MTCL1: variants seen among roughly 807,000 people sequenced by gnomAD.
MTCL1 encodes microtubule crosslinking factor 1.
In MTCL1, 79 loss-of-function variants were observed where a neutral mutation model predicts 141.4. The ratio of observed to expected loss-of-function variants is 0.56; its 90% confidence interval spans 0.47 to 0.67. The LOEUF is 0.67. Among genes scored for constraint, MTCL1 ranks in the 30% least tolerant of loss-of-function variants. MTCL1 has a pLI of 0.00. For missense variants in MTCL1, 2,177 were observed against 2,113.9 expected, an observed-to-expected ratio of 1.03 and a Z score of -0.59; for synonymous variants, 914 against 875.8, an observed-to-expected ratio of 1.04 and a Z score of -0.77.
chr18:8,807,190 C>G, intron 11 of MTCL1, 130 bp downstream of exon 10: 1 of 957,962 alleles, frequency 1.0e-6, no homozygotes, highest in Non-Finnish European at 1.5e-6. Context: ...AGAGGAGTGG[C>G]TGCTTGTGTC....
At chr18:8,821,900 A>G (rs891888876) in intron 14 of MTCL1, among the ~76,000 whole-genome samples, 9 of 151,946 alleles carry the variant, frequency 5.9e-5, no homozygotes, top group African/African-American at 9.7e-5. Flanking sequence ...GAATTTATTA[A>G]AATATTTTCT....
chr18:8,814,596 G>T (rs995936923), intron 12 of MTCL1, among the ~76,000 whole-genome samples: 3 of 152,194 alleles, frequency 2.0e-5, no homozygotes, highest in African/African-American at 7.2e-5. Context: ...TATATTCTTT[G>T]AAAATGGCCA....
chr18:8,746,941 C>T (rs2096341922), intron 4 of MTCL1, among the ~76,000 whole-genome samples: 1 of 152,122 alleles, frequency 6.6e-6, no homozygotes, highest in Admixed American at 6.5e-5. Context: ...GACAGGGAAG[C>T]CCATTTAAGA....
chr18:8,732,497 G>T (rs150897981), intron 4 of MTCL1, among the ~76,000 whole-genome samples: 3 of 152,214 alleles, frequency 2.0e-5, no homozygotes, highest in African/African-American at 4.8e-5. Flanking sequence ...GATTCTCTAC[G>T]GCCTGAGTGC....
chr18:8,809,619 C>A, intron 11 of MTCL1: 3 of 1,528,592 alleles, frequency 2.0e-6, no homozygotes, highest in Non-Finnish European at 1.8e-6. Context: ...GGAGGGCACA[C>A]ACCTGAAAAA....
At chr18:8,741,523 G>A (rs1348747920) in intron 4 of MTCL1, among the ~76,000 whole-genome samples, 2 of 152,136 alleles carry the variant, frequency 1.3e-5, no homozygotes, top group Non-Finnish European at 2.9e-5. Context: ...ATAGCAAACT[G>A]TGCAACTAAG....
intron 4 of MTCL1, among the ~76,000 whole-genome samples, chr18:8,766,279 A>G (rs2096459373): frequency 6.6e-6 from 1 of 152,092 alleles, no homozygotes; most frequent in Non-Finnish European, 1.5e-5. Flanking sequence ...ATCATCCTCC[A>G]TGTAGCGCCT....
intron 12 of MTCL1, among the ~76,000 whole-genome samples, chr18:8,814,549 C>G (rs901700896): frequency 2.6e-5 from 4 of 152,180 alleles, no homozygotes; most frequent in South Asian, 2.1e-4. Flanking sequence ...TGTCGTTGCT[C>G]TATGGTTAGG....
exon 6 of MTCL1, chr18:8,783,946 G>T (rs1421817819): frequency 6.2e-7 from 1 of 1,613,620 alleles, no homozygotes. Flanking sequence ...GCCGCCACCT[G>T]CAGTTTGTAG....
intron 1 of MTCL1, among the ~76,000 whole-genome samples, chr18:8,709,132 C>T (rs1308250285): frequency 1.3e-5 from 2 of 152,134 alleles, no homozygotes; most frequent in South Asian, 4.1e-4. Flanking sequence ...TGGTGGTTAG[C>T]GTGTGCCCTT....
chr18:8,819,554 A>G (rs144348106), intron 13 of MTCL1, among the ~76,000 whole-genome samples: 17 of 152,350 alleles, frequency 1.1e-4, no homozygotes, highest in Admixed American at 7.8e-4. Flanking sequence ...TAAAACACAC[A>G]AGAGGAAGTA....
chr18:8,762,645 G>A (rs1225201363), intron 4 of MTCL1, among the ~76,000 whole-genome samples: 1 of 152,248 alleles, frequency 6.6e-6, no homozygotes, highest in Non-Finnish European at 1.5e-5. Flanking sequence ...CTTGAGGACA[G>A]AGCGGCTGCC....
chr18:8,714,576 C>T (rs966087031), upstream of MTCL1, among the ~76,000 whole-genome samples: 1 of 152,114 alleles, frequency 6.6e-6, no homozygotes, highest in Non-Finnish European at 1.5e-5. Context: ...CATGGAGGCA[C>T]GTAAGAACGT....
chr18:8,786,002 C>T (rs369745361), exon 7 of MTCL1: 13 of 1,606,894 alleles, frequency 8.1e-6, no homozygotes, highest in South Asian at 6.6e-5. Context: ...GGAGAGCCTG[C>T]GCCTCCGAGC....
rs576687365 is a variant in MTCL1 at position 8,825,250 on chromosome 18, G to A, written c.3740G>A (p.Arg1247Gln). The change falls in exon 15 of 17, where the codon CGG (arginine) becomes CAG (glutamine). Residue 1247 changes from arginine (R) to glutamine (Q), a missense_variant. Coordinates refer to ENST00000359865, the Ensembl canonical transcript of MTCL1. ...CCTTGCACCTCCCCCAGGCACTCCC[G>A]GGACTATGTGGAGGGGGCACGGCGC... The A allele has an allele frequency of 1.3e-4, 200 of 1,590,728 alleles. No homozygotes were observed. The highest frequency in any genetic ancestry group is 1.8e-4 in the South Asian group (16 of 86,554).
rs73939553 is a variant in MTCL1 at position 8,803,351 on chromosome 18, G to A, written c.2437-3542G>A. Among the ~76,000 whole-genome samples the A allele has an allele frequency of 7.5e-3, 1,146 of 152,182 alleles. 14 individuals are homozygous for A. Among genetic ancestry groups the A allele is most frequent in the African/African-American group, 0.027 (1,105 of 41,526 alleles). On this transcript the variant is annotated intron_variant, in intron 10 of 16. Transcript: ENST00000359865. ...CATAGTTCCTCCTCTGTAAAATGGG[G>A]AACATAGTATATGCACTCAAAATTG...
Position 8,706,467 on chromosome 18 carries a change from C to T in MTCL1, c.807C>T (p.Leu269=), listed in dbSNP as rs1164904338. 2.4e-6 allele frequency: 3 copies of T among 1,260,486 alleles called. No individual in the cohort carries two copies. The African/African-American group carries it at 4.7e-5, about 20-fold the overall frequency. 78.1% of individuals were successfully genotyped at this position (1,260,486 alleles called of 1,614,324 possible). A position where few individuals can be genotyped will look rare whatever the true frequency, so the allele number is the denominator to read the frequency against. ...CGGGCAGCCCCGAGCCCCCAGCGCT[C>T]CTCGCCGCGCCCCTCGCCGCGGGCG... Residue 269 remains leucine, a synonymous_variant, in exon 1 of 14, where the codon CTC becomes CTT. Transcript: ENST00000306329.
chr18:8,777,743 G>A, intron 4 of MTCL1, 90 bp from the exon 4 acceptor site: 1 of 1,116,828 alleles, frequency 9.0e-7, no homozygotes. Context: ...CGTTCAGTGT[G>A]TGTGTCCCCA....
chr18:8,830,402 G>A lies in MTCL1; in HGVS notation c.*19-1205G>A, dbSNP rs781010194. ...GACCCCAGAGGGAGGCAGGGAAACC[G>A]CTCGCCCCATTGCTCTTCTGGAAGC... On this transcript the variant is annotated intron_variant, in intron 16 of 16. Coordinates refer to ENST00000359865, the Ensembl canonical transcript of MTCL1. The surrounding 1 kb of genome is among the most constrained non-coding windows in gnomAD (Gnocchi z 6.4). The A allele has an allele frequency of 5.4e-5, 53 of 985,418 alleles. No individual in the cohort carries two copies. The highest frequency in any genetic ancestry group is 3.3e-4 in the South Asian group (7 of 21,292). 61.0% of individuals were successfully genotyped at this position (985,418 alleles called of 1,614,324 possible).
Sources: gnomAD v4.1 joint callset for allele counts (sites outside exome capture counted in the v4.1 genomes callset) on GRCh38, gnomAD v4.1.1 for gene constraint, Gnocchi (gnomAD v3.1) non-coding constraint, MANE v1.5 for transcripts, NCBI Gene and HGNC (gene_info 2026-07-23, HGNC 2026-07-21) for gene names.